The following MTNR1A variants were observed in gnomAD, a reference collection of about 807,000 sequenced individuals.
The protein encoded by MTNR1A is melatonin receptor 1A.
MTNR1A carries 7 observed loss-of-function variants against 5.5 expected under a neutral mutation model. That is an observed-to-expected ratio of 1.28 (90% CI 0.73 to 2.40). The LOEUF is 2.40. Ranked by LOEUF, MTNR1A falls within the 30% of genes most tolerant of loss-of-function variation. The probability of loss-of-function intolerance (pLI) is 0.00; values close to 1 mark genes in which losing one functional copy is unlikely to be tolerated. For missense variants in MTNR1A, 441 were observed against 464.4 expected, an observed-to-expected ratio of 0.95 and a Z score of 0.46; for synonymous variants, 196 against 202.7, an observed-to-expected ratio of 0.97 and a Z score of 0.28.
intron 1 of MTNR1A, among the ~76,000 whole-genome samples, chr4:186,534,907 C>G (rs58085559): frequency 0.029 from 4,360 of 152,326 alleles, 93 homozygotes; most frequent in East Asian, 0.07. Context: ...TGAGAAATCT[C>G]ATATGATGTC....
In MTNR1A at chr4:186,544,825, G is replaced by A. The variant is rs915061311; in HGVS notation, c.185-10268C>T. Among the ~76,000 whole-genome samples, 7 of 152,156 alleles carry A rather than the reference G, an allele frequency of 4.6e-5. No homozygotes were observed. The East Asian group carries it at 5.8e-4, about 13-fold the overall frequency. ...AGGTGTTGTCGTAGACGCTGCTGGC[G>A]CATTTCTCCCCAAAGTGTCTGTGAG... On this transcript the variant is annotated intron_variant, in intron 1 of 1. Coordinates refer to ENST00000307161, the MANE Select transcript of MTNR1A (RefSeq NM_005958.4).
intron 1 of MTNR1A, among the ~76,000 whole-genome samples, chr4:186,550,782 C>T (rs751826244): frequency 1.3e-5 from 2 of 152,092 alleles, no homozygotes; most frequent in African/African-American, 2.4e-5. Context: ...GCTGGAGGAA[C>T]GAAAGATCAG....
chr4:186,554,809 G>A (rs1737336137), intron 1 of MTNR1A, among the ~76,000 whole-genome samples: 1 of 152,204 alleles, frequency 6.6e-6, no homozygotes, highest in Non-Finnish European at 1.5e-5. Context: ...ACAATGTTGG[G>A]AAAACTAAAT....
intron 1 of MTNR1A, among the ~76,000 whole-genome samples, chr4:186,548,844 TATAC>T (rs1333572925): frequency 0.051 from 2,746 of 53,852 alleles, 272 homozygotes; most frequent in East Asian, 0.17. Context: ...TATATATATA[TATAC>T]ACTATATATG....
chr4:186,540,635 G>A (rs995165015), intron 1 of MTNR1A, among the ~76,000 whole-genome samples: 8 of 152,146 alleles, frequency 5.3e-5, no homozygotes, highest in African/African-American at 1.9e-4. Flanking sequence ...CTGTCTATCT[G>A]AAGGACCAGG....
chr4:186,538,017 A>G (rs1158155235), intron 1 of MTNR1A, among the ~76,000 whole-genome samples: 2 of 152,256 alleles, frequency 1.3e-5, no homozygotes, highest in African/African-American at 4.8e-5. Context: ...TATGGCACAG[A>G]TATGAATAAA....
chr4:186,546,664 T>A (rs115300747), intron 1 of MTNR1A, among the ~76,000 whole-genome samples: 3 of 137,238 alleles, frequency 2.2e-5, no homozygotes, highest in African/African-American at 8.8e-5. Flanking sequence ...GCCACCCACA[T>A]CACACCCTGT....
In MTNR1A at chr4:186,548,175, C is replaced by A. The variant is rs75414418; in HGVS notation, c.184+7007G>T. The stretch of plus-strand genomic sequence containing the variant: ...TTTTTCCCTTAGGCACTTTTCCGAA[C>A]CTTGAAGGACTCAGTGAAAACCCCA... On this transcript the variant is annotated intron_variant, in intron 1 of 1. Transcript: ENST00000307161. Among the ~76,000 whole-genome samples, 501 of 152,140 alleles carry A rather than the reference C, an allele frequency of 3.3e-3. 3 individuals carry two copies. Among genetic ancestry groups the A allele is most frequent in the African/African-American group, 0.012 (487 of 41,520 alleles).
At chr4:186,548,632 T>C (rs894389372) in intron 1 of MTNR1A, among the ~76,000 whole-genome samples, 6 of 151,464 alleles carry the variant, frequency 4.0e-5, no homozygotes, top group Middle Eastern at 3.4e-3. Context: ...AATTAACAAG[T>C]GAGGAAACTG....
At chr4:186,542,502 G>A (rs971958383) in intron 1 of MTNR1A, among the ~76,000 whole-genome samples, 13 of 152,286 alleles carry the variant, frequency 8.5e-5, no homozygotes, top group Middle Eastern at 3.4e-3. Flanking sequence ...CAAAACAGCT[G>A]ACCTGATATG....
At chr4:186,536,984 G>T (rs550798948) in intron 1 of MTNR1A, among the ~76,000 whole-genome samples, 1 of 152,126 alleles carries the variant, frequency 6.6e-6, no homozygotes, top group South Asian at 2.1e-4. Flanking sequence ...TGACAAACTG[G>T]CCTAATATGG....
At chr4:186,547,827 A>G (rs549245350) in intron 1 of MTNR1A, among the ~76,000 whole-genome samples, 1 of 152,286 alleles carries the variant, frequency 6.6e-6, no homozygotes, top group East Asian at 1.9e-4. Context: ...AATCATACAC[A>G]TTCCTGCTTG....
rs112074701 is a variant in MTNR1A, at chr4:186,544,112, C to G, written c.185-9555G>C. Reference sequence around the variant, plus strand: ...CAACCTCTGCCGTCCCCCACCCCCACTGGGTTCAAGCAATTCTCCTGGCTC... The same window carrying G: ...CAACCTCTGCCGTCCCCCACCCCCAGTGGGTTCAAGCAATTCTCCTGGCTC... On this transcript the variant is annotated intron_variant, in intron 1 of 1. Coordinates refer to ENST00000307161, the MANE Select transcript of MTNR1A (RefSeq NM_005958.4). 5.0e-3 allele frequency among the ~76,000 whole-genome samples: 758 copies of G among 152,276 alleles called. 7 individuals are homozygous for G. The highest frequency in any genetic ancestry group is 0.017 in the African/African-American group (717 of 41,562).
At chr4:186,542,377 G>A (rs1032702384) in intron 1 of MTNR1A, among the ~76,000 whole-genome samples, 3 of 152,112 alleles carry the variant, frequency 2.0e-5, no homozygotes, top group African/African-American at 4.8e-5. Flanking sequence ...CTTCTCCACC[G>A]TGATGGTATT....
rs776388235 is a variant in MTNR1A at position 186,552,629 on chromosome 4, T to C, written c.184+2553A>G. Among the ~76,000 whole-genome samples the C allele has an allele frequency of 5.6e-4, 86 of 152,310 alleles. No homozygotes were observed. In the Middle Eastern group the frequency reaches 0.01, roughly 18 times the overall value. On this transcript the variant is annotated intron_variant, in intron 1 of 1. Coordinates refer to ENST00000307161, the MANE Select transcript of MTNR1A (RefSeq NM_005958.4). The stretch of plus-strand genomic sequence containing the variant: ...TTTTATCCTTTTCAAAGTATTCTCA[T>C]ATGCGCCACTTCACTACAGTCATTG...
At chr4:186,550,192 T>C (rs1429022978) in intron 1 of MTNR1A, among the ~76,000 whole-genome samples, 1 of 152,116 alleles carries the variant, frequency 6.6e-6, no homozygotes, top group African/African-American at 2.4e-5. Context: ...CCTTGATTAT[T>C]TGAGAGGGGC....
intron 1 of MTNR1A, among the ~76,000 whole-genome samples, chr4:186,551,856 C>A (rs1385838913): frequency 6.6e-6 from 1 of 152,140 alleles, no homozygotes; most frequent in Non-Finnish European, 1.5e-5. Context: ...AGAGAGGCTT[C>A]ACACAGAGTC....
In MTNR1A at chr4:186,552,109, G is replaced by A. The variant is rs372211547; in HGVS notation, c.184+3073C>T. On this transcript the variant is annotated intron_variant, in intron 1 of 1. Transcript: ENST00000307161. The stretch of plus-strand genomic sequence containing the variant: ...CTGCACTGTGCTGCTTTCAGGAGCC[G>A]TGAATGGTGAGCAGGGCTGTTCACA... Among the ~76,000 whole-genome samples the A allele has an allele frequency of 5.9e-5, 9 of 152,318 alleles. No homozygotes were observed. The South Asian group carries it at 1.5e-3, about 25-fold the overall frequency.
chr4:186,553,192 T>C (rs138356380), intron 1 of MTNR1A, among the ~76,000 whole-genome samples: 427 of 152,336 alleles, frequency 2.8e-3, no homozygotes, highest in African/African-American at 1.0e-2. Flanking sequence ...CTGAAGATCA[T>C]CAAAACTTTT....
Sources: gnomAD v4.1 joint callset for allele counts (sites outside exome capture counted in the v4.1 genomes callset) on GRCh38, gnomAD v4.1.1 for gene constraint, MANE v1.5 for transcripts, NCBI Gene and HGNC (gene_info 2026-07-23, HGNC 2026-07-21) for gene names.